Variants in DNAH1 observed in about 807,000 individuals in gnomAD.
DNAH1 encodes axonemal beta dynein heavy chain 1.
Under a neutral mutation model 484.3 loss-of-function variants are expected in DNAH1, and 327 were observed. That is an observed-to-expected ratio of 0.68 (90% CI 0.62 to 0.74). The LOEUF (loss-of-function observed/expected upper bound fraction) is 0.74. DNAH1 is among the 30% of genes least tolerant of loss of function. DNAH1 has a pLI of 0.00. For synonymous variants in DNAH1, 2,192 were observed against 2,191.9 expected (o/e 1.00, Z 0.00); for missense variants, 5,052 against 5,546.8 (o/e 0.91, Z 2.83).
rs1701179432 is a variant in DNAH1, at chr3:52,322,395, G to T, written c.-34-14G>T. 1 of 1,558,600 alleles carries T rather than the reference G, an allele frequency of 6.4e-7. No homozygotes were observed. The highest frequency in any genetic ancestry group is 8.6e-7 in the Non-Finnish European group (1 of 1,156,498). ...GGCTGGCAAGGGCTGACTGACGCTGGGTTCTTCTCCTAGGAGCTTCGGCTG... is the reference window on the plus strand; with the variant it reads ...GGCTGGCAAGGGCTGACTGACGCTGTGTTCTTCTCCTAGGAGCTTCGGCTG... On this transcript the variant is annotated splice_polypyrimidine_tract_variant and intron_variant, in intron 1 of 77. Transcript: ENST00000420323.
chr3:52,334,254 G>A (rs1276174543), intron 8 of DNAH1, among the ~76,000 whole-genome samples: 1 of 152,114 alleles, frequency 6.6e-6, no homozygotes, highest in African/African-American at 2.4e-5. Context: ...TCTAAACATA[G>A]AAAAGGTACA....
Position 52,399,161 on chromosome 3 carries a change from A to G in DNAH1, c.12401A>G (p.Lys4134Arg), listed in dbSNP as rs1476450861. 6.2e-7 allele frequency: 1 copy of G among 1,613,512 alleles called. No homozygotes were observed. The highest frequency in any genetic ancestry group is 8.5e-7 in the Non-Finnish European group (1 of 1,179,580). ...GGCACTCTGCAGAATTTTGCCCGCA[A>G]ATTTGTCATCTCCATTGACACCATC... ...LTGTLQNFAR[K>R]FVISIDTISF... Residue 4134 changes from lysine (K) to arginine (R), a missense_variant, in exon 76 of 78, where the codon AAA becomes AGA. Around this residue, in one of 4 missense-constraint regions of DNAH1, gnomAD observed 853 missense variants for 899.0 expected, o/e 0.95. Transcript: ENST00000420323.
At position 52,357,923 on chromosome 3, in the gene DNAH1, C is replaced by A. The variant is rs539657571; in HGVS notation, c.4006C>A (p.Leu1336Ile). 1 of 1,613,142 alleles carries A rather than the reference C, an allele frequency of 6.2e-7. No homozygotes were observed. The highest frequency in any genetic ancestry group is 1.3e-5 in the African/African-American group (1 of 75,058). ...PRFYFLSDDE[L>I]LEILSQTKDP... is the part of the protein sequence containing the mutation. Reference sequence around the variant, plus strand: ...ATTCTACTTCCTGTCAGATGATGAACTACTAGAGATCTTGTCGCAGACAAA... The same window carrying A: ...ATTCTACTTCCTGTCAGATGATGAAATACTAGAGATCTTGTCGCAGACAAA... Residue 1336 changes from leucine (L) to isoleucine (I), a missense_variant, in exon 24 of 78, where the codon CTA (leucine) becomes ATA (isoleucine). Physicochemically the swap from Leu to Ile is conservative, Grantham distance 5. Around this residue, in one of 4 missense-constraint regions of DNAH1, gnomAD observed 2,929 missense variants for 3,409.4 expected, o/e 0.86. Coordinates refer to ENST00000420323, the MANE Select transcript of DNAH1 (RefSeq NM_015512.5).
chr3:52,315,844 C>T (rs1394372114), upstream of DNAH1, among the ~76,000 whole-genome samples: 2 of 152,156 alleles, frequency 1.3e-5, no homozygotes, highest in East Asian at 3.9e-4. Flanking sequence ...AGAGGGTAGC[C>T]CCTGAGACCC....
In DNAH1 at chr3:52,383,394, C is replaced by A. The variant is rs751048768; in HGVS notation, c.7950C>A (p.Asn2650Lys). 6 of 1,613,592 alleles carry A rather than the reference C, an allele frequency of 3.7e-6. No homozygotes were observed. The highest frequency in any genetic ancestry group is 5.1e-6 in the Non-Finnish European group (6 of 1,179,746). The change falls in exon 51 of 78, where the codon AAC becomes AAA. Residue 2650 changes from asparagine to lysine, a missense_variant. Coordinates refer to ENST00000420323, the MANE Select transcript of DNAH1 (RefSeq NM_015512.5). ...CCTTCACCCCTCCCCAGATCAAGAA[C>A]GAATCCTTCCTGGAAGATATCAACA... Reference protein sequence around the residue: ...TFLFSDTQIKNESFLEDINNV... With the variant: ...TFLFSDTQIKKESFLEDINNV...
intron 5 of DNAH1, among the ~76,000 whole-genome samples, chr3:52,327,109 C>T (rs576830759): frequency 6.6e-6 from 1 of 151,698 alleles, no homozygotes; most frequent in East Asian, 1.9e-4. Context: ...TGAGTCTTTG[C>T]TTCTTCCCTG....
intron 50 of DNAH1, among the ~76,000 whole-genome samples, chr3:52,383,137 T>C (rs187276575): frequency 2.8e-3 from 425 of 152,292 alleles, no homozygotes; most frequent in Middle Eastern, 0.02. Context: ...AAGAGGAAGA[T>C]GCCACAACCC....
chr3:52,322,518 G>A lies in DNAH1; in HGVS notation c.76G>A (p.Val26Ile). The change falls in exon 2 of 78, where the codon GTC becomes ATC. Residue 26 changes from valine to isoleucine, a missense_variant. Transcript: ENST00000420323. ...CCCAGAGTGCAGCAGTGCTCCTGCA[G>A]TCCAAGTGGGGACCCACAGGGGCCT... is the stretch of plus-strand genomic sequence containing the variant. ...QGPECSSAPA[V>I]QVGTHRGLEY... The A allele has an allele frequency of 6.2e-7, 1 of 1,613,812 alleles. No homozygotes were observed. Among genetic ancestry groups the A allele is most frequent in the Admixed American group, 1.7e-5 (1 of 59,982 alleles).
chr3:52,358,605 G>A lies in DNAH1; in HGVS notation c.4134G>A (p.Glu1378=), dbSNP rs759023536. 10 of 1,612,998 alleles carry A rather than the reference G, an allele frequency of 6.2e-6. No homozygotes were observed. Among genetic ancestry groups the A allele is most frequent in the Admixed American group, 5.0e-5 (3 of 59,952 alleles). ...AGATCACGCACATGTACTCAGCCGA[G>A]GGGGAGGAGGTACAGTTGTGCTTCT... ...DLEITHMYSA[E]GEEVQLCFSI... Residue 1378 remains glutamate, a synonymous_variant, in exon 25 of 78, where the codon GAG becomes GAA. Transcript: ENST00000420323. This position sits in a 1 kb window ranked among gnomAD's most constrained non-coding sequence, Gnocchi z 4.2.
chr3:52,349,085 C>T lies in DNAH1; in HGVS notation c.2300+4C>T, dbSNP rs756957826. The T allele has an allele frequency of 4.3e-6, 7 of 1,612,850 alleles. No individual in the cohort carries two copies. Among genetic ancestry groups the T allele is most frequent in the Admixed American group, 1.7e-5 (1 of 60,030 alleles). On this transcript the variant is annotated splice_donor_region_variant and intron_variant, in intron 13 of 77. Transcript: ENST00000420323. ...ATGACATTGCCTCCTTTCTCAAGTG[C>T]GTACGTGTGCCCATGCACGTCGGAG...
At chr3:52,343,969 G>A (rs1395605789) in intron 8 of DNAH1, among the ~76,000 whole-genome samples, 1 of 152,168 alleles carries the variant, frequency 6.6e-6, no homozygotes, top group African/African-American at 2.4e-5. Context: ...TTCCGATCTC[G>A]GAGCCCAGTT....
chr3:52,361,484 T>A lies in DNAH1; in HGVS notation c.4874+132T>A. 1 of 1,268,058 alleles carries A rather than the reference T, an allele frequency of 7.9e-7. No homozygotes were observed. Among genetic ancestry groups the A allele is most frequent in the Middle Eastern group, 2.2e-4 (1 of 4,510 alleles). 78.6% of individuals were successfully genotyped at this position (1,268,058 alleles called of 1,614,324 possible). Reference sequence around the variant, plus strand: ...AGGGGACAGAAGGGGGTAATAGGCATCACGGCTTGGTCCTGGGGGCATTGG... The same window carrying A: ...AGGGGACAGAAGGGGGTAATAGGCAACACGGCTTGGTCCTGGGGGCATTGG... On this transcript the variant is annotated intron_variant, in intron 29 of 77. Transcript: ENST00000420323. The surrounding 1 kb of genome is among the most constrained non-coding windows in gnomAD (Gnocchi z 5.6).
In DNAH1 at chr3:52,381,010, G is replaced by T. The variant is rs978212694; in HGVS notation, c.7609-630G>T. Among the ~76,000 whole-genome samples the T allele has an allele frequency of 2.2e-4, 33 of 152,210 alleles. 1 individual carries two copies. Among genetic ancestry groups the T allele is most frequent in the Non-Finnish European group, 1.0e-4 (7 of 68,038 alleles). ...ATATGAGTTATGGAGTTCACATGAG[G>T]ACTGAAGGATTTGGGTGGGCTGGGG... On this transcript the variant is annotated intron_variant, in intron 48 of 77. Transcript: ENST00000420323. This position sits in a 1 kb window ranked among gnomAD's most constrained non-coding sequence, Gnocchi z 4.1.
At position 52,383,423 on chromosome 3, in the gene DNAH1, T is replaced by C; in HGVS notation, c.7979T>C (p.Val2660Ala). The C allele has an allele frequency of 6.2e-7, 1 of 1,613,930 alleles. No individual in the cohort carries two copies. The highest frequency in any genetic ancestry group is 8.5e-7 in the Non-Finnish European group (1 of 1,179,852). Residue 2660 changes from valine to alanine, a missense_variant, in exon 51 of 78, where the codon GTC becomes GCC. Physicochemically the swap from Val to Ala is moderately conservative, Grantham distance 64. Coordinates refer to ENST00000420323, the MANE Select transcript of DNAH1 (RefSeq NM_015512.5). Reference protein sequence around the residue: ...NESFLEDINNVLNSGDIPNLY... With the variant: ...NESFLEDINNALNSGDIPNLY... ...TCCTTCCTGGAAGATATCAACAACG[T>C]CCTAAACTCTGGTGACATTCCCAAT...
At chr3:52,372,503 G>T (rs1703390443) in intron 43 of DNAH1, 116 bp downstream of exon 43, 13 of 1,398,136 alleles carry the variant, frequency 9.3e-6, no homozygotes, top group Non-Finnish European at 1.3e-5. Flanking sequence ...CCTCCCAGGG[G>T]GAGCTGACAG....
At position 52,399,763 on chromosome 3, in the gene DNAH1, G is replaced by A; in HGVS notation, c.12660G>A (p.Lys4220=). Residue 4220 remains lysine, a synonymous_variant, in exon 77 of 78, where the codon AAG becomes AAA. Coordinates refer to ENST00000420323, the MANE Select transcript of DNAH1 (RefSeq NM_015512.5). ...ACTTTTACCTGTGCCCCATCTACAA[G>A]ACACTGACTCGTGCTGGTATGAGGC... is the stretch of plus-strand genomic sequence containing the variant. The part of the protein sequence containing the change: ...DQDFYLCPIY[K]TLTRAGTLST... 1 of 1,613,900 alleles carries A rather than the reference G, an allele frequency of 6.2e-7. No individual in the cohort carries two copies. Among genetic ancestry groups the A allele is most frequent in the Non-Finnish European group, 8.5e-7 (1 of 1,179,868 alleles).
intron 6 of DNAH1, among the ~76,000 whole-genome samples, chr3:52,328,851 G>C (rs573587939): frequency 6.6e-6 from 1 of 152,358 alleles, no homozygotes; most frequent in African/African-American, 2.4e-5. Flanking sequence ...AGGCTGCTCT[G>C]CTCCCCACCT....
In DNAH1 at chr3:52,373,557, G is replaced by A. The variant is rs543277290; in HGVS notation, c.6985+504G>A. 2.8e-5 allele frequency: 42 copies of A among 1,480,324 alleles called. No individual in the cohort carries two copies. The African/African-American group carries it at 3.6e-4, about 13-fold the overall frequency. The allele number at this position is 1,480,324 out of a possible 1,614,324, so 91.7% of individuals were successfully genotyped here. A position where few individuals can be genotyped will look rare whatever the true frequency, so the allele number is the denominator to read the frequency against. ...AGTGTCTGCTAAAATAAAAGTACCCGTCTCTCAGCCCATAGTGAAGAAAGA... is the reference window on the plus strand; with the variant it reads ...AGTGTCTGCTAAAATAAAAGTACCCATCTCTCAGCCCATAGTGAAGAAAGA... On this transcript the variant is annotated intron_variant, in intron 44 of 77. Transcript: ENST00000420323.
chr3:52,393,349 G>T lies in DNAH1; in HGVS notation c.10490G>T (p.Arg3497Leu), dbSNP rs373108486. ...NSERADNLKK[R>L]ISNINRYLTY... is the part of the protein sequence containing the mutation. ...CACTCCACAGACAACCTGAAGAAGC[G>T]CATCTCCAACATCAACCGCTACCTG... The change falls in exon 66 of 78, where the codon CGC (arginine) becomes CTC (leucine). Residue 3497 changes from arginine (R) to leucine (L), a missense_variant. This residue lies in a region of DNAH1 where 2,929 missense variants were observed against 3,409.4 expected (regional missense o/e 0.86). Transcript: ENST00000420323. 5 of 1,613,820 alleles carry T rather than the reference G, an allele frequency of 3.1e-6. No individual in the cohort carries two copies. The highest frequency in any genetic ancestry group is 2.7e-5 in the African/African-American group (2 of 74,908).
Sources: allele counts gnomAD v4.1 joint callset (sites outside exome capture counted in the v4.1 genomes callset), GRCh38; gene constraint gnomAD v4.1.1; regional missense constraint gnomAD v4.1.1; non-coding constraint Gnocchi (gnomAD v3.1); transcripts MANE v1.5; gene names NCBI Gene and HGNC (gene_info 2026-07-23, HGNC 2026-07-21).